Variants in RBFOX1 observed in about 807,000 individuals in gnomAD.
The protein encoded by RBFOX1 is RNA binding protein fox-1 homolog 1.
A neutral mutation model predicts 57.7 loss-of-function variants in RBFOX1; 8 were observed. The ratio of observed to expected loss-of-function variants is 0.14; its 90% CI spans 0.08 to 0.25. The LOEUF (loss-of-function observed/expected upper bound fraction) is 0.25, where lower values mean the gene tolerates loss of function less well. Among genes scored for constraint, RBFOX1 ranks in the 10% least tolerant of loss-of-function variants. RBFOX1 has a pLI of 1.00. For synonymous variants in RBFOX1, 326 were observed against 222.4 expected, an observed-to-expected ratio of 1.47 and a Z score of -4.15; for missense variants, 611 against 548.5, an observed-to-expected ratio of 1.11 and a Z score of -1.14.
At chr16:5,559,143 T>A (rs2151101431) in intron 2 of RBFOX1, among the ~76,000 whole-genome samples, 1 of 110,550 alleles carries the variant, frequency 9.0e-6, no homozygotes, top group South Asian at 2.8e-4. Flanking sequence ...GGGGTTTATA[T>A]AGCTAGGAGA....
chr16:6,767,058 C>G lies in RBFOX1; in HGVS notation c.-16+112408C>G, dbSNP rs1212111504. On this transcript the variant is annotated intron_variant, in intron 3 of 15. Coordinates refer to ENST00000550418, the MANE Select transcript of RBFOX1 (RefSeq NM_018723.4). The stretch of plus-strand genomic sequence containing the variant: ...TTCACAAAATAATCATTGTTTTCAT[C>G]TATTCAGTATCCATTTCCTCATCCT... 3.3e-5 allele frequency among the ~76,000 whole-genome samples: 5 copies of G among 152,238 alleles called. No homozygotes were observed. The East Asian group carries it at 7.7e-4, about 24-fold the overall frequency.
chr16:6,405,761 T>C (rs141114759), intron 2 of RBFOX1, among the ~76,000 whole-genome samples: 2 of 152,314 alleles, frequency 1.3e-5, no homozygotes, highest in East Asian at 3.9e-4. Context: ...AACTAGCCAC[T>C]TTACACATGG....
chr16:6,933,068 A>C (rs375631830), intron 3 of RBFOX1, among the ~76,000 whole-genome samples: 1 of 152,334 alleles, frequency 6.6e-6, no homozygotes, highest in African/African-American at 2.4e-5. Context: ...CACATTTGAC[A>C]AGATTTCTTC....
At chr16:5,486,590 A>C (rs2042635292) in intron 2 of RBFOX1, among the ~76,000 whole-genome samples, 1 of 152,134 alleles carries the variant, frequency 6.6e-6, no homozygotes, top group Admixed American at 6.5e-5. Flanking sequence ...GGGGGAAATG[A>C]TACTCTGCAC....
At chr16:6,656,605 C>CACACACACAA (rs1253928678) in intron 3 of RBFOX1, among the ~76,000 whole-genome samples, 1 of 145,994 alleles carries the variant, frequency 6.8e-6, no homozygotes, top group Non-Finnish European at 1.5e-5. Context: ...AATAGACACA[C>CACACACACAA]ACACACACAC....
chr16:7,104,323 A>G (rs11641794), intron 4 of RBFOX1, among the ~76,000 whole-genome samples: 302 of 152,218 alleles, frequency 2.0e-3, no homozygotes, highest in Middle Eastern at 3.4e-3. Flanking sequence ...AGTTGATGTA[A>G]CTTCTCCTAA....
chr16:7,275,858 C>G (rs1217150083), intron 4 of RBFOX1, among the ~76,000 whole-genome samples: 1 of 152,166 alleles, frequency 6.6e-6, no homozygotes, highest in African/African-American at 2.4e-5. Context: ...CCACTCCAAC[C>G]TGTGCAGAAG....
chr16:7,457,115 G>A (rs562933530), intron 4 of RBFOX1, among the ~76,000 whole-genome samples: 2 of 152,064 alleles, frequency 1.3e-5, no homozygotes, highest in East Asian at 2.0e-4. Context: ...TCGAACTCCT[G>A]ACCTCAGGAG....
At chr16:6,802,307 G>A (rs1427658915) in intron 3 of RBFOX1, among the ~76,000 whole-genome samples, 2 of 152,114 alleles carry the variant, frequency 1.3e-5, no homozygotes, top group Non-Finnish European at 2.9e-5. Flanking sequence ...GCCACACAGG[G>A]TCCTGTTGTG....
rs561089302 is a variant in RBFOX1 at position 6,934,460 on chromosome 16, A to G, written c.-15-117597A>G. 2.6e-5 allele frequency among the ~76,000 whole-genome samples: 4 copies of G among 152,314 alleles called. No homozygotes were observed. In the East Asian group the frequency reaches 5.8e-4, roughly 22 times the overall value. Reference sequence around the variant, plus strand: ...TGCAGCACTACTTAAAATAGCCAAGACATGGAATCAACCTAACTGTCCATC... The same window carrying G: ...TGCAGCACTACTTAAAATAGCCAAGGCATGGAATCAACCTAACTGTCCATC... On this transcript the variant is annotated intron_variant, in intron 3 of 15. Coordinates refer to ENST00000550418, the MANE Select transcript of RBFOX1 (RefSeq NM_018723.4).
chr16:5,641,544 A>G (rs2048876416), intron 3 of RBFOX1, among the ~76,000 whole-genome samples: 1 of 152,220 alleles, frequency 6.6e-6, no homozygotes, highest in African/African-American at 2.4e-5. Context: ...TGTGCCACCT[A>G]GCTCCTGAGT....
At chr16:6,540,560 C>G (rs780941229) in intron 2 of RBFOX1, among the ~76,000 whole-genome samples, 2 of 136,100 alleles carry the variant, frequency 1.5e-5, no homozygotes, top group African/African-American at 2.8e-5. Context: ...TGCAGTGAGC[C>G]GAGATTGCAC....
chr16:5,292,271 A>G (rs1202164502), intron 1 of RBFOX1, among the ~76,000 whole-genome samples: 2 of 152,232 alleles, frequency 1.3e-5, no homozygotes, highest in Admixed American at 1.3e-4. Flanking sequence ...CATTTGAAAG[A>G]TCCCAGCAAC....
intron 1 of RBFOX1, among the ~76,000 whole-genome samples, chr16:6,164,740 A>T (rs1023894023): frequency 1.3e-5 from 2 of 152,106 alleles, no homozygotes; most frequent in Non-Finnish European, 2.9e-5. Context: ...GGCCTTCCAA[A>T]GTGCTGGTGT....
intron 2 of RBFOX1, among the ~76,000 whole-genome samples, chr16:5,526,989 C>T (rs1413422505): frequency 6.6e-6 from 1 of 152,144 alleles, no homozygotes; most frequent in Non-Finnish European, 1.5e-5. Flanking sequence ...TTCTGGGAGG[C>T]TTAAAGGGAT....
chr16:7,604,613 C>A (rs182885975), intron 9 of RBFOX1, among the ~76,000 whole-genome samples: 1 of 151,932 alleles, frequency 6.6e-6, no homozygotes, highest in African/African-American at 2.4e-5. Flanking sequence ...ATTATAGATA[C>A]GTTTATAGAT....
chr16:7,571,639 C>T (rs1246040354), intron 5 of RBFOX1, among the ~76,000 whole-genome samples: 4 of 152,118 alleles, frequency 2.6e-5, no homozygotes, highest in African/African-American at 4.8e-5. Context: ...ATCCCGCCTC[C>T]TAATAAGGCC....
chr16:6,776,071 C>G (rs770980867), intron 3 of RBFOX1: 7 of 152,000 alleles, frequency 4.6e-5, no homozygotes, highest in African/African-American at 9.7e-5. Context: ...AACATTAGTA[C>G]TGAGGAAATA....
At chr16:5,885,506 G>C (rs1207088795) in intron 4 of RBFOX1, among the ~76,000 whole-genome samples, 2 of 152,030 alleles carry the variant, frequency 1.3e-5, no homozygotes, top group Non-Finnish European at 2.9e-5. Context: ...GGAGTCAGAG[G>C]GTTCACAGAG....
Sources: gnomAD v4.1 joint callset for allele counts (sites outside exome capture counted in the v4.1 genomes callset) on GRCh38, gnomAD v4.1.1 for gene constraint, MANE v1.5 for transcripts, NCBI Gene and HGNC (gene_info 2026-07-23, HGNC 2026-07-21) for gene names.